CSTPP1: variants seen among roughly 807,000 people sequenced by gnomAD.
CSTPP1 encodes centriolar satellite-associated tubulin polyglutamylase complex regulator 1, also known as UPF0705 protein C11orf49.
chr11:47,061,717 T>C, the CSTPP1 span, among the ~76,000 whole-genome samples: 1 of 152,214 alleles, frequency 6.6e-6, no homozygotes, highest in Non-Finnish European at 1.5e-5. Flanking sequence ...AAACCAGATG[T>C]AGACAATCAA....
At chr11:47,106,025 G>C in the CSTPP1 span, among the ~76,000 whole-genome samples, 2 of 152,176 alleles carry the variant, frequency 1.3e-5, no homozygotes, top group African/African-American at 2.4e-5. Context: ...TTGAGAATAT[G>C]TGTGTGTATG....
the CSTPP1 span, among the ~76,000 whole-genome samples, chr11:47,013,618 A>G: frequency 6.6e-6 from 1 of 152,206 alleles, no homozygotes; most frequent in African/African-American, 2.4e-5. Context: ...TATGGTGTAT[A>G]TGTACCACAT....
At chr11:47,091,615 C>G in the CSTPP1 span, among the ~76,000 whole-genome samples, 3 of 152,184 alleles carry the variant, frequency 2.0e-5, no homozygotes, top group African/African-American at 4.8e-5. Context: ...TTTCCCTCAC[C>G]CTGTGGGAGG....
chr11:47,139,048 A>G, the CSTPP1 span, among the ~76,000 whole-genome samples: 1 of 151,588 alleles, frequency 6.6e-6, no homozygotes, highest in Middle Eastern at 3.4e-3. Context: ...TACAGCAAAA[A>G]TCATGTTTAT....
the CSTPP1 span, among the ~76,000 whole-genome samples, chr11:47,028,602 C>T: frequency 6.6e-6 from 1 of 152,150 alleles, no homozygotes; most frequent in Non-Finnish European, 1.5e-5. Flanking sequence ...TGTAAGGCAA[C>T]TTCTGTGCAA....
the CSTPP1 span, chr11:47,161,360 G>T: frequency 6.3e-7 from 1 of 1,587,384 alleles, no homozygotes; most frequent in Non-Finnish European, 8.5e-7. Context: ...GTCCTTTGGG[G>T]GCTGCAGCCC....
At chr11:47,102,721 T>C in the CSTPP1 span, among the ~76,000 whole-genome samples, 82 of 152,316 alleles carry the variant, frequency 5.4e-4, no homozygotes, top group Middle Eastern at 3.4e-3. Flanking sequence ...AAGCTGCACA[T>C]TGTCAGGTCG....
the CSTPP1 span, among the ~76,000 whole-genome samples, chr11:47,092,058 A>G: frequency 6.6e-6 from 1 of 152,158 alleles, no homozygotes; most frequent in African/African-American, 2.4e-5. Flanking sequence ...TTCAGGACTT[A>G]TTTGCATTAT....
At chr11:46,954,266 C>T in the CSTPP1 span, among the ~76,000 whole-genome samples, 6 of 152,184 alleles carry the variant, frequency 3.9e-5, no homozygotes, top group South Asian at 2.1e-4. Context: ...AGGGAGGATT[C>T]GGCTGGATGC....
the CSTPP1 span, among the ~76,000 whole-genome samples, chr11:47,054,988 A>G: frequency 1.4e-4 from 18 of 129,980 alleles, no homozygotes; most frequent in Admixed American, 9.7e-5. Context: ...TCACCCAGGC[A>G]GGAATACAAT....
At chr11:47,130,560 A>G in the CSTPP1 span, 2 of 152,226 alleles carry the variant, frequency 1.3e-5, no homozygotes, top group Non-Finnish European at 2.9e-5. Flanking sequence ...ACATGGCCCT[A>G]GTAGGGTAGC....
the CSTPP1 span, among the ~76,000 whole-genome samples, chr11:47,057,950 A>G: frequency 6.6e-6 from 1 of 152,246 alleles, no homozygotes; most frequent in African/African-American, 2.4e-5. Flanking sequence ...TTAATGCTAT[A>G]TAAGAACAAA....
the CSTPP1 span, among the ~76,000 whole-genome samples, chr11:46,937,915 CAG>C: frequency 1.3e-5 from 2 of 151,440 alleles, no homozygotes; most frequent in Admixed American, 6.6e-5. Flanking sequence ...TTTTTTGAGA[CAG>C]AGTTTCTCTC....
At chr11:47,053,562 G>A in the CSTPP1 span, among the ~76,000 whole-genome samples, 4 of 151,488 alleles carry the variant, frequency 2.6e-5, no homozygotes, top group South Asian at 2.1e-4. Flanking sequence ...AGAGGTTGCC[G>A]TGAGCCGAGA....
At chr11:47,086,899 C>T in the CSTPP1 span, among the ~76,000 whole-genome samples, 1 of 152,106 alleles carries the variant, frequency 6.6e-6, no homozygotes, top group Non-Finnish European at 1.5e-5. Context: ...GAGATTATTA[C>T]ATTGGTAAGT....
the CSTPP1 span, among the ~76,000 whole-genome samples, chr11:47,124,408 C>T: frequency 2.6e-5 from 4 of 151,880 alleles, no homozygotes; most frequent in Non-Finnish European, 5.9e-5. Flanking sequence ...AGCCACCGCA[C>T]CCGGCCTTAA....
the CSTPP1 span, among the ~76,000 whole-genome samples, chr11:47,101,186 T>A: frequency 6.9e-5 from 7 of 102,040 alleles, no homozygotes; most frequent in Non-Finnish European, 1.1e-4. Context: ...TTTTTTTTTT[T>A]TTTATTTTAT....
At chr11:47,046,065 G>A in the CSTPP1 span, among the ~76,000 whole-genome samples, 2 of 152,010 alleles carry the variant, frequency 1.3e-5, no homozygotes, top group East Asian at 1.9e-4. Flanking sequence ...GATTACAGGC[G>A]TGAGCCACCA....
chr11:46,951,275 TATG>T, the CSTPP1 span, among the ~76,000 whole-genome samples: 1 of 151,484 alleles, frequency 6.6e-6, no homozygotes, highest in Non-Finnish European at 1.5e-5. Context: ...CTACAGAATA[TATG>T]ATATATTCCT....
Sources: gnomAD v4.1 joint callset for allele counts (sites outside exome capture counted in the v4.1 genomes callset) on GRCh38, gnomAD v4.1.1 for gene constraint, MANE v1.5 for transcripts, NCBI Gene and HGNC (gene_info 2026-07-23, HGNC 2026-07-21) for gene names.